KDM5A: variants seen among roughly 807,000 people sequenced by gnomAD.
The protein encoded by KDM5A is lysine demethylase 5A.
Under a neutral mutation model 193.5 loss-of-function variants are expected in KDM5A, and 42 were observed. That is an observed-to-expected ratio of 0.22 (90% CI 0.17 to 0.28). The LOEUF (loss-of-function observed/expected upper bound fraction) is 0.28. Ranked by LOEUF, KDM5A falls within the 10% of genes least tolerant of loss-of-function variation. The pLI, the probability that KDM5A is intolerant of heterozygous loss-of-function variation, is 1.00. For synonymous variants in KDM5A, 796 were observed against 718.1 expected (o/e 1.11, Z -1.73); for missense variants, 1,692 against 2,055.1 (o/e 0.82, Z 3.42).
At chr12:368,692 C>T (rs1185805408) in intron 3 of KDM5A, among the ~76,000 whole-genome samples, 2 of 152,182 alleles carry the variant, frequency 1.3e-5, no homozygotes, top group African/African-American at 4.8e-5. Context: ...GATTGCACCA[C>T]TGAACTCCAG....
At chr12:373,512 G>C (rs1488756846) in intron 3 of KDM5A, among the ~76,000 whole-genome samples, 1 of 151,918 alleles carries the variant, frequency 6.6e-6, no homozygotes, top group African/African-American at 2.4e-5. Context: ...CAATTTTGTT[G>C]ATCTTTTCAA....
At chr12:315,078 C>T (rs1314556684) in intron 19 of KDM5A, among the ~76,000 whole-genome samples, 1 of 152,168 alleles carries the variant, frequency 6.6e-6, no homozygotes, top group Non-Finnish European at 1.5e-5. Context: ...TAAGACCAGA[C>T]ATTCTAGGCA....
At chr12:288,765 A>G (rs1337919851) in intron 27 of KDM5A, among the ~76,000 whole-genome samples, 1 of 152,238 alleles carries the variant, frequency 6.6e-6, no homozygotes, top group Non-Finnish European at 1.5e-5. Context: ...ATCCTTGTGT[A>G]TATTTTCTTG....
At position 285,966 on chromosome 12, in the gene KDM5A, A is replaced by G. The variant is rs12310462; in HGVS notation, c.4867-304T>C. On this transcript the variant is annotated intron_variant, in intron 27 of 27. Transcript: ENST00000399788. ...AAAATTTGACAAAAAGGGAACTTCTAATAGAGCAGCCAAGTAGTTTTAGCT... is the reference window on the plus strand; with the variant it reads ...AAAATTTGACAAAAAGGGAACTTCTGATAGAGCAGCCAAGTAGTTTTAGCT... Among the ~76,000 whole-genome samples, 636 of 152,290 alleles carry G rather than the reference A, an allele frequency of 4.2e-3. 4 individuals are homozygous for G. The highest frequency in any genetic ancestry group is 0.015 in the African/African-American group (605 of 41,554).
chr12:330,755 G>T (rs1047847083), intron 13 of KDM5A, among the ~76,000 whole-genome samples: 2 of 152,170 alleles, frequency 1.3e-5, no homozygotes, highest in Non-Finnish European at 2.9e-5. Context: ...ACTATTCATT[G>T]TATCATTTTA....
At chr12:388,426 C>T (rs560495501) in intron 1 of KDM5A, 34 of 405,716 alleles carry the variant, frequency 8.4e-5, no homozygotes, top group African/African-American at 6.4e-4. Flanking sequence ...CCCGCTAAGA[C>T]TTTTTCACTG....
intron 19 of KDM5A, among the ~76,000 whole-genome samples, chr12:314,456 A>C (rs1345851703): frequency 6.6e-6 from 1 of 152,068 alleles, no homozygotes; most frequent in Non-Finnish European, 1.5e-5. Context: ...CAGCCTCCCA[A>C]AGTGCTGGGA....
At chr12:353,287 G>A (rs771933385) in intron 8 of KDM5A, among the ~76,000 whole-genome samples, 4 of 151,994 alleles carry the variant, frequency 2.6e-5, no homozygotes, top group Non-Finnish European at 2.9e-5. Flanking sequence ...CTGAGACCGC[G>A]CCACTGCACT....
chr12:312,373 A>G (rs915252020), intron 20 of KDM5A, among the ~76,000 whole-genome samples: 1 of 152,220 alleles, frequency 6.6e-6, no homozygotes, highest in African/African-American at 2.4e-5. Context: ...TAGCAAGAGT[A>G]CTGTGGTGCT....
rs1265186009 is a variant in KDM5A, at chr12:354,062, G to A, written c.1029+14C>T. 2.5e-6 allele frequency: 4 copies of A among 1,608,082 alleles called. No individual in the cohort carries two copies. The highest frequency in any genetic ancestry group is 3.3e-4 in the Middle Eastern group (2 of 6,046). On this transcript the variant is annotated intron_variant, in intron 8 of 27. Transcript: ENST00000399788. ...TTTTAGTTAAAAAAGGATCCATAGA[G>A]GTTAGACGTGTACCTCGGCGACACA...
intron 14 of KDM5A, among the ~76,000 whole-genome samples, chr12:326,528 G>C (rs1943786708): frequency 6.6e-6 from 1 of 152,184 alleles, no homozygotes; most frequent in African/African-American, 2.4e-5. Context: ...AATATATAGT[G>C]CAATAAAGAG....
Position 389,217 on chromosome 12 carries a change from T to G in KDM5A, c.-126A>C, listed in dbSNP as rs755317017. On this transcript the variant is annotated 5_prime_UTR_variant, in exon 1 of 28. Transcript: ENST00000399788. ...GCGCATCTTCGCGGACAAGAACCGTTCAACACAGAAACCCCAGAATCGCTT... is the reference window on the plus strand; with the variant it reads ...GCGCATCTTCGCGGACAAGAACCGTGCAACACAGAAACCCCAGAATCGCTT... 16 of 911,610 alleles carry G rather than the reference T, an allele frequency of 1.8e-5. No homozygotes were observed. The South Asian group carries it at 2.1e-4, about 12-fold the overall frequency. The allele number at this position is 911,610 out of a possible 1,614,324, so 56.5% of individuals were successfully genotyped here.
Position 282,908 on chromosome 12 carries a change from G to C in KDM5A, c.*2548C>G. 1 of 232,242 alleles carries C rather than the reference G, an allele frequency of 4.3e-6. No homozygotes were observed. Among genetic ancestry groups the C allele is most frequent in the Non-Finnish European group, 8.5e-6 (1 of 117,464 alleles). 14.4% of individuals were successfully genotyped at this position (232,242 alleles called of 1,614,324 possible). On this transcript the variant is annotated 3_prime_UTR_variant, in exon 28 of 28. Transcript: ENST00000399788. ...AAAACCGCAGATTTGTGTATTTTTTGTTTTGCCATTAATTTCTCCCTTCTG... is the reference window on the plus strand; with the variant it reads ...AAAACCGCAGATTTGTGTATTTTTTCTTTTGCCATTAATTTCTCCCTTCTG...
At chr12:297,538 G>A (rs1189902263) in intron 24 of KDM5A, among the ~76,000 whole-genome samples, 3 of 152,150 alleles carry the variant, frequency 2.0e-5, no homozygotes, top group African/African-American at 7.2e-5. Flanking sequence ...TTTCACCCGG[G>A]TTTTCTAAGA....
intron 27 of KDM5A, among the ~76,000 whole-genome samples, chr12:286,757 A>AAAACTGTC (rs1471626244): frequency 1.3e-5 from 2 of 152,346 alleles, no homozygotes; most frequent in South Asian, 4.1e-4. Flanking sequence ...TGTCCTATAA[A>AAAACTGTC]AAACTGTCAA....
chr12:333,299 G>A (rs996957535), intron 12 of KDM5A, 188 bp downstream of exon 12: 6 of 644,458 alleles, frequency 9.3e-6, no homozygotes, highest in Non-Finnish European at 1.7e-5. Context: ...TGCTCCTATA[G>A]TCCCAGCTAC....
Position 293,033 on chromosome 12 carries a change from T to G in KDM5A, c.4592A>C (p.Asp1531Ala). Reference sequence around the variant, plus strand: ...TTTTAATTTCTTCTTTCTAGGTTTGTCCATTTTCTTTAACTCCTTGGACTT... The same window carrying G: ...TTTTAATTTCTTCTTTCTAGGTTTGGCCATTTTCTTTAACTCCTTGGACTT... Reference protein sequence around the residue: ...KQKSKELKKMDKPRKKKLKLG... With the variant: ...KQKSKELKKMAKPRKKKLKLG... The change falls in exon 27 of 28, where the codon GAC (aspartate) becomes GCC (alanine). Residue 1531 changes from aspartate (D) to alanine (A), a missense_variant. Asp to Ala is a moderately radical substitution (Grantham distance 126, BLOSUM62 -2). Coordinates refer to ENST00000399788, the MANE Select transcript of KDM5A (RefSeq NM_001042603.3). The G allele has an allele frequency of 6.3e-7, 1 of 1,587,528 alleles. No homozygotes were observed. Among genetic ancestry groups the G allele is most frequent in the Non-Finnish European group, 8.5e-7 (1 of 1,173,156 alleles).
intron 24 of KDM5A, among the ~76,000 whole-genome samples, chr12:300,008 C>G (rs1239869950): frequency 6.6e-6 from 1 of 150,502 alleles, no homozygotes; most frequent in East Asian, 2.0e-4. Context: ...ATATATGCAC[C>G]CAATACAGGA....
chr12:304,206 G>A (rs1943477149), intron 24 of KDM5A, among the ~76,000 whole-genome samples: 2 of 152,088 alleles, frequency 1.3e-5, no homozygotes, highest in African/African-American at 4.8e-5. Flanking sequence ...TGGTAACTAA[G>A]ATAAAATGAC....
Sources: allele counts gnomAD v4.1 joint callset (sites outside exome capture counted in the v4.1 genomes callset), GRCh38; gene constraint gnomAD v4.1.1; transcripts MANE v1.5; gene names NCBI Gene and HGNC (gene_info 2026-07-23, HGNC 2026-07-21).